ITCH: variants seen among roughly 807,000 people sequenced by gnomAD.
ITCH encodes E3 ubiquitin-protein ligase Itchy homolog.
Under a neutral mutation model 126.8 loss-of-function variants are expected in ITCH, and 28 were observed. The ratio of observed to expected loss-of-function variants is 0.22; its 90% CI spans 0.16 to 0.30. The LOEUF (loss-of-function observed/expected upper bound fraction) is 0.30. ITCH is among the 10% of genes least tolerant of loss of function. The pLI, the probability that ITCH is intolerant of heterozygous loss-of-function variation, is 1.00. For synonymous variants in ITCH, 342 were observed against 340.0 expected (o/e 1.01, Z -0.06); for missense variants, 631 against 1,032.4 (o/e 0.61, Z 5.33).
At chr20:34,493,563 G>A (rs1989661326) in intron 23 of ITCH, among the ~76,000 whole-genome samples, 2 of 152,312 alleles carry the variant, frequency 1.3e-5, no homozygotes, top group Admixed American at 6.5e-5. Flanking sequence ...GGAGAAACAG[G>A]TAGAGAGCTT....
intron 14 of ITCH, among the ~76,000 whole-genome samples, chr20:34,465,247 C>A (rs920942159): frequency 6.6e-6 from 1 of 151,872 alleles, no homozygotes; most frequent in Non-Finnish European, 1.5e-5. Context: ...TTCTGTTGGT[C>A]TGTATGTCTG....
Position 34,413,756 on chromosome 20 carries a change from G to T in ITCH, c.352G>T (p.Val118Leu), listed in dbSNP as rs1274482221. The T allele has an allele frequency of 1.9e-6, 3 of 1,609,546 alleles. No homozygotes were observed. Among genetic ancestry groups the T allele is most frequent in the Non-Finnish European group, 2.5e-6 (3 of 1,177,798 alleles). The change falls in exon 6 of 25, where the codon GTG becomes TTG. Residue 118 changes from valine (V) to leucine (L), a missense_variant. Physicochemically the swap from Val to Leu is conservative, Grantham distance 32. This residue lies in a region of ITCH where 220 missense variants were observed against 265.7 expected (regional missense o/e 0.83). Coordinates refer to ENST00000374864, the MANE Select transcript of ITCH (RefSeq NM_031483.7). Reference sequence around the variant, plus strand: ...TTTTCTTCCAGTTGAAGAAGTAGTTGTGACTTTGCAGCTTGGAGGTGACAA... The same window carrying T: ...TTTTCTTCCAGTTGAAGAAGTAGTTTTGACTTTGCAGCTTGGAGGTGACAA... ...SNNMKLEEVVVTLQLGGDKEP... is the reference protein window; with the variant it reads ...SNNMKLEEVVLTLQLGGDKEP...
chr20:34,489,196 T>C (rs1238931435), intron 20 of ITCH, 70 bp from the exon 21 acceptor site: 1 of 1,356,056 alleles, frequency 7.4e-7, no homozygotes, highest in East Asian at 2.5e-5. Context: ...TTTTAAAATT[T>C]ATTTTTATAC....
At position 34,365,701 on chromosome 20, in the gene ITCH, C is replaced by T. The variant is rs1458168218; in HGVS notation, c.-99+2352C>T. ...AAGTGCTGGGTTTACAGGCATGAGC[C>T]GCCACTCCTGGCCCTAAAAAATACA... is the stretch of plus-strand genomic sequence containing the variant. On this transcript the variant is annotated intron_variant, in intron 1 of 24. Transcript: ENST00000374864. Among the ~76,000 whole-genome samples, 4 of 152,280 alleles carry T rather than the reference C, an allele frequency of 2.6e-5. No individual in the cohort carries two copies. The South Asian group carries it at 6.2e-4, about 24-fold the overall frequency.
At chr20:34,366,155 A>T (rs2037413817) in intron 1 of ITCH, among the ~76,000 whole-genome samples, 1 of 152,162 alleles carries the variant, frequency 6.6e-6, no homozygotes, top group Non-Finnish European at 1.5e-5. Flanking sequence ...ATTATGGAAC[A>T]AAAAGGGTTC....
rs552550918 is a variant in ITCH at position 34,429,174 on chromosome 20, A to G, written c.521+4649A>G. 3.9e-5 allele frequency among the ~76,000 whole-genome samples: 6 copies of G among 152,212 alleles called. No homozygotes were observed. The South Asian group carries it at 1.2e-3, about 32-fold the overall frequency. ...GGTTGGTCTCGAACTTCTGACCTCA[A>G]GTGATCTGCCCACCTCGGACCTCCC... is the stretch of plus-strand genomic sequence containing the variant. On this transcript the variant is annotated intron_variant, in intron 7 of 24. Coordinates refer to ENST00000374864, the MANE Select transcript of ITCH (RefSeq NM_031483.7).
At chr20:34,405,164 A>AAAAAG (rs1555858503) in intron 3 of ITCH, among the ~76,000 whole-genome samples, 4 of 148,850 alleles carry the variant, frequency 2.7e-5, no homozygotes, top group African/African-American at 9.9e-5. Flanking sequence ...AAAAAAAAAA[A>AAAAAG]GGTTTCAGTG....
At chr20:34,390,882 G>A (rs1325138088) in intron 2 of ITCH, among the ~76,000 whole-genome samples, 5 of 151,844 alleles carry the variant, frequency 3.3e-5, no homozygotes, top group Non-Finnish European at 7.4e-5. Context: ...CTTCCGAGTA[G>A]CTGGAATTAC....
chr20:34,425,155 G>A (rs1981329736), intron 7 of ITCH, among the ~76,000 whole-genome samples: 1 of 152,054 alleles, frequency 6.6e-6, no homozygotes, highest in Non-Finnish European at 1.5e-5. Context: ...ACAGAAACAT[G>A]TGCTGTATTG....
At chr20:34,465,129 C>T (rs1429156271) in intron 14 of ITCH, among the ~76,000 whole-genome samples, 1 of 152,152 alleles carries the variant, frequency 6.6e-6, no homozygotes, top group Non-Finnish European at 1.5e-5. Flanking sequence ...GTCCAATTTT[C>T]CCAAGCACCA....
intron 6 of ITCH, among the ~76,000 whole-genome samples, chr20:34,415,683 A>G (rs1025117534): frequency 6.6e-6 from 1 of 152,250 alleles, no homozygotes; most frequent in Non-Finnish European, 1.5e-5. Context: ...ATTGTTCACA[A>G]GAACTCTATA....
At chr20:34,380,772 A>G (rs1342145593) in intron 2 of ITCH, among the ~76,000 whole-genome samples, 1 of 151,888 alleles carries the variant, frequency 6.6e-6, no homozygotes, top group African/African-American at 2.4e-5. Flanking sequence ...TGCAATCAAA[A>G]TTAGAAACTT....
chr20:34,475,898 A>G (rs1988170852), intron 16 of ITCH: 1 of 1,053,148 alleles, frequency 9.5e-7, no homozygotes, highest in Non-Finnish European at 1.5e-6. Context: ...GTAAAATTCC[A>G]TGAAAATATT....
chr20:34,478,025 A>T, intron 17 of ITCH, 165 bp downstream of exon 17: 2 of 831,288 alleles, frequency 2.4e-6, no homozygotes, highest in East Asian at 5.4e-5. Context: ...AAAAACATTT[A>T]ATTCAGCACT....
At position 34,414,457 on chromosome 20, in the gene ITCH, C is replaced by CTT. The variant is rs770240058; in HGVS notation, c.475+603_475+604dup. Among the ~76,000 whole-genome samples, 163 of 70,812 alleles carry CTT rather than the reference C, an allele frequency of 2.3e-3. 3 individuals are homozygous for CTT. The highest frequency in any genetic ancestry group is 0.023 in the Middle Eastern group (2 of 88). 46.5% of individuals were successfully genotyped at this position (70,812 alleles called of 152,430 possible). A position where few individuals can be genotyped will look rare whatever the true frequency, so the allele number is the denominator to read the frequency against. On this transcript the variant is annotated intron_variant, in intron 6 of 24. Coordinates refer to ENST00000374864, the MANE Select transcript of ITCH (RefSeq NM_031483.7). The stretch of plus-strand genomic sequence containing the variant: ...CTGAGTTTAAATATGACTTTAAATC[C>CTT]TTTTTTTTTTTTTTTTTTTTTTTTT...
chr20:34,456,595 T>G (rs1406077837), intron 12 of ITCH, among the ~76,000 whole-genome samples: 1 of 143,644 alleles, frequency 7.0e-6, no homozygotes, highest in Non-Finnish European at 1.5e-5. Context: ...ATCACGCCAC[T>G]GCACTCCAGC....
intron 7 of ITCH, among the ~76,000 whole-genome samples, chr20:34,430,969 T>G (rs965333920): frequency 6.6e-6 from 1 of 151,992 alleles, no homozygotes; most frequent in African/African-American, 2.4e-5. Context: ...AGAGGGAGAA[T>G]GTGAAAGTGG....
In ITCH at chr20:34,443,187, T is replaced by C. The variant is rs1364074553; in HGVS notation, c.965+884T>C. 3.9e-5 allele frequency among the ~76,000 whole-genome samples: 6 copies of C among 151,940 alleles called. No individual in the cohort carries two copies. The East Asian group carries it at 1.2e-3, about 29-fold the overall frequency. ...TTAATTGGGGAAGTTAAGGATATATTAATACATGGTGTTAAGCCTTTAACA... is the reference window on the plus strand; with the variant it reads ...TTAATTGGGGAAGTTAAGGATATATCAATACATGGTGTTAAGCCTTTAACA... On this transcript the variant is annotated intron_variant, in intron 10 of 24. Coordinates refer to ENST00000374864, the MANE Select transcript of ITCH (RefSeq NM_031483.7).
intron 2 of ITCH, among the ~76,000 whole-genome samples, chr20:34,388,460 C>T (rs1316302101): frequency 5.3e-5 from 8 of 152,090 alleles, no homozygotes; most frequent in African/African-American, 1.9e-4. Flanking sequence ...TCACAGCTCA[C>T]TGCAGCCTCT....
Sources: allele counts gnomAD v4.1 joint callset (sites outside exome capture counted in the v4.1 genomes callset), GRCh38; gene constraint gnomAD v4.1.1; regional missense constraint gnomAD v4.1.1; transcripts MANE v1.5; gene names NCBI Gene and HGNC (gene_info 2026-07-23, HGNC 2026-07-21).